The following NCAPD2 variants were observed in gnomAD, a reference collection of about 807,000 sequenced individuals.
The protein encoded by NCAPD2 is non-SMC condensin I complex subunit D2.
In NCAPD2, 100 loss-of-function variants were observed where a neutral mutation model predicts 164.5. That is an observed-to-expected ratio of 0.61 (90% CI 0.52 to 0.72). The LOEUF is 0.72. NCAPD2 is among the 30% of genes least tolerant of loss of function. NCAPD2 has a pLI of 0.00. For missense variants in NCAPD2, 1,560 were observed against 1,749.2 expected (o/e 0.89, Z 1.93); for synonymous variants, 585 against 642.6 (o/e 0.91, Z 1.36).
In NCAPD2 at chr12:6,521,852, T is replaced by G. The variant is rs141590433; in HGVS notation, c.1769T>G (p.Val590Gly). The G allele has an allele frequency of 2.9e-5, 46 of 1,613,998 alleles. No homozygotes were observed. Among genetic ancestry groups the G allele is most frequent in the African/African-American group, 1.3e-5 (1 of 74,902 alleles). ...CCCCGGGAGTCTACAGGAAACATGG[T>G]CACAGGACAGACTGTCTGTAAAAAT... Reference protein sequence around the residue: ...KNPRESTGNMVTGQTVCKNKP... With the variant: ...KNPRESTGNMGTGQTVCKNKP... Residue 590 changes from valine (V) to glycine (G), a missense_variant, in exon 15 of 32, where the codon GTC (valine) becomes GGC (glycine). Val to Gly is a moderately radical substitution (Grantham distance 109, BLOSUM62 -3). Transcript: ENST00000315579.
At position 6,514,807 on chromosome 12, in the gene NCAPD2, C is replaced by T. The variant is rs746741464; in HGVS notation, c.874C>T (p.Arg292Ter). 5.0e-6 allele frequency: 8 copies of T among 1,614,170 alleles called. No individual in the cohort carries two copies. The Admixed American group carries it at 8.3e-5, about 17-fold the overall frequency. ...ACAAAAGTGTCCCCAAGAGCTGAGT[C>T]GAGACCCTTCAGGGACAAAGGGCTT... ...IGQKCPQELS[R>*]DPSGTKGFAA... The change falls in exon 9 of 32, where the codon CGA becomes TGA. Residue 292 changes from arginine (R) to a stop codon, truncating the protein, a stop_gained. Coordinates refer to ENST00000315579, the MANE Select transcript of NCAPD2 (RefSeq NM_014865.4). LOFTEE classifies it high-confidence loss of function.
At chr12:6,506,611 T>C (rs538157992) in intron 2 of NCAPD2, among the ~76,000 whole-genome samples, 27 of 151,100 alleles carry the variant, frequency 1.8e-4, no homozygotes, top group African/African-American at 6.3e-4. Flanking sequence ...AAAAGACATA[T>C]ATATTTTATG....
chr12:6,513,733 T>TTTTTTTTTTTTTTTTGC (rs1946173101), intron 6 of NCAPD2, among the ~76,000 whole-genome samples: 2 of 124,238 alleles, frequency 1.6e-5, no homozygotes, highest in Admixed American at 8.6e-5. Flanking sequence ...TTTTTTTTTT[T>TTTTTTTTTTTTTTTTGC]GTGATGGAGT....
At chr12:6,507,281 CA>C (rs781174124) in intron 2 of NCAPD2, among the ~76,000 whole-genome samples, 5 of 152,214 alleles carry the variant, frequency 3.3e-5, no homozygotes, top group Non-Finnish European at 7.3e-5. Context: ...TCTCATGATA[CA>C]AGACAGTCAG....
chr12:6,531,238 T>C lies in NCAPD2; in HGVS notation c.4121-89T>C, dbSNP rs1005703445. Reference sequence around the variant, plus strand: ...CTTGGATTTTATTTCTTCTGTGCGGTGTGGGATTGTCTCACTTGTTCTCTG... The same window carrying C: ...CTTGGATTTTATTTCTTCTGTGCGGCGTGGGATTGTCTCACTTGTTCTCTG... On this transcript the variant is annotated intron_variant, in intron 31 of 31. Coordinates refer to ENST00000315579, the MANE Select transcript of NCAPD2 (RefSeq NM_014865.4). This position sits in a 1 kb window ranked among gnomAD's most constrained non-coding sequence, Gnocchi z 4.1. 125 of 1,489,902 alleles carry C rather than the reference T, an allele frequency of 8.4e-5. No homozygotes were observed. The highest frequency in any genetic ancestry group is 1.1e-4 in the Non-Finnish European group (120 of 1,080,856). The allele number at this position is 1,489,902 out of a possible 1,614,324, so 92.3% of individuals were successfully genotyped here. A position where few individuals can be genotyped will look rare whatever the true frequency, so the allele number is the denominator to read the frequency against.
chr12:6,520,837 G>A, intron 13 of NCAPD2, 149 bp from the exon 14 acceptor site: 1 of 937,788 alleles, frequency 1.1e-6, no homozygotes, highest in Non-Finnish European at 1.6e-6. Flanking sequence ...CTACCCCTTA[G>A]TAGGTGCTGT....
intron 2 of NCAPD2, among the ~76,000 whole-genome samples, chr12:6,505,127 A>T (rs937371959): frequency 6.6e-6 from 1 of 152,160 alleles, no homozygotes; most frequent in South Asian, 2.1e-4. Context: ...GTGCAGTGGC[A>T]TGATCTCGAC....
At chr12:6,495,300 T>A (rs1945968469) in intron 2 of NCAPD2, 75 bp downstream of exon 2, 2 of 1,547,546 alleles carry the variant, frequency 1.3e-6, no homozygotes, top group Admixed American at 1.8e-5. Context: ...CATTGTCATT[T>A]CTGTTCCACT....
Position 6,518,504 on chromosome 12 carries a change from GTTTTTTTTTTTT to G in NCAPD2, c.1589+564_1589+575del, listed in dbSNP as rs56183938. Reference sequence around the variant, plus strand: ...CAAAAGCCCTTACAGCCGTCAACAAGTTTTTTTTTTTTTTTTTTTTTTTTTTTTTTGAGATGG... The same window carrying G: ...CAAAAGCCCTTACAGCCGTCAACAAGTTTTTTTTTTTTTTTTTTGAGATGG... On this transcript the variant is annotated intron_variant, in intron 13 of 31. Coordinates refer to ENST00000315579, the MANE Select transcript of NCAPD2 (RefSeq NM_014865.4). Among the ~76,000 whole-genome samples, 175 of 44,784 alleles carry G rather than the reference GTTTTTTTTTTTT, an allele frequency of 3.9e-3. 3 individuals are homozygous for G. Among genetic ancestry groups the G allele is most frequent in the African/African-American group, 0.016 (160 of 9,802 alleles). The allele number at this position is 44,784 out of a possible 152,430, so 29.4% of individuals were successfully genotyped here.
chr12:6,513,617 A>AGT (rs1378047506), intron 6 of NCAPD2, among the ~76,000 whole-genome samples: 1 of 151,636 alleles, frequency 6.6e-6, no homozygotes, highest in Non-Finnish European at 1.5e-5. Context: ...GGAGAAAGTG[A>AGT]GTGATTAACT....
intron 13 of NCAPD2, among the ~76,000 whole-genome samples, chr12:6,518,517 T>TTTGTTTTTTTTTTTTTTTG (rs1565544182): frequency 8.8e-6 from 1 of 113,054 alleles, no homozygotes; most frequent in African/African-American, 3.7e-5. Flanking sequence ...TTTTTTTTTT[T>TTTGTTTTTTTTTTTTTTTG]TTTTTTTTTT....
intron 2 of NCAPD2, among the ~76,000 whole-genome samples, chr12:6,498,549 T>G (rs959557942): frequency 6.6e-6 from 1 of 152,186 alleles, no homozygotes; most frequent in Non-Finnish European, 1.5e-5. Context: ...GTTTTTTCCC[T>G]CTACCTGCCT....
rs760037180 is a variant in NCAPD2, at chr12:6,528,905, G to A, written c.3478-40G>A. On this transcript the variant is annotated intron_variant, in intron 26 of 31. Coordinates refer to ENST00000315579, the MANE Select transcript of NCAPD2 (RefSeq NM_014865.4). The surrounding 1 kb of genome is among the most constrained non-coding windows in gnomAD (Gnocchi z 5.1). ...GGCTGGCTGCAGAGGGAATCTGTAG[G>A]TCACCTCATCTCCTTAACATGGCTC... is the stretch of plus-strand genomic sequence containing the variant. 1.2e-6 allele frequency: 2 copies of A among 1,613,572 alleles called. No individual in the cohort carries two copies. The highest frequency in any genetic ancestry group is 4.5e-5 in the East Asian group (2 of 44,884).
chr12:6,498,615 CT>C (rs34041906), intron 2 of NCAPD2, among the ~76,000 whole-genome samples: 8 of 148,184 alleles, frequency 5.4e-5, no homozygotes, highest in East Asian at 2.0e-4. Flanking sequence ...AACAACAATT[CT>C]TTTTTTTTTT....
intron 2 of NCAPD2, among the ~76,000 whole-genome samples, chr12:6,506,066 C>T (rs1287518742): frequency 6.6e-6 from 1 of 151,806 alleles, no homozygotes; most frequent in Non-Finnish European, 1.5e-5. Flanking sequence ...TCAAGCAATC[C>T]TCCCGCCTCA....
rs1161227706 is a variant in NCAPD2 at position 6,518,513 on chromosome 12, T to TTTTTTTTTG, written c.1589+562_1589+563insGTTTTTTTT. Among the ~76,000 whole-genome samples, 23 of 105,294 alleles carry TTTTTTTTTG rather than the reference T, an allele frequency of 2.2e-4. 2 individuals are homozygous for TTTTTTTTTG. Among genetic ancestry groups the TTTTTTTTTG allele is most frequent in the African/African-American group, 7.2e-4 (18 of 24,902 alleles). The allele number at this position is 105,294 out of a possible 152,430, so 69.1% of individuals were successfully genotyped here. A position where few individuals can be genotyped will look rare whatever the true frequency, so the allele number is the denominator to read the frequency against. On this transcript the variant is annotated intron_variant, in intron 13 of 31. Coordinates refer to ENST00000315579, the MANE Select transcript of NCAPD2 (RefSeq NM_014865.4). Reference sequence around the variant, plus strand: ...TTACAGCCGTCAACAAGTTTTTTTTTTTTTTTTTTTTTTTTTTTTTTGAGA... The same window carrying TTTTTTTTTG: ...TTACAGCCGTCAACAAGTTTTTTTTTTTTTTTTTGTTTTTTTTTTTTTTTTTTTTTGAGA...
At chr12:6,513,041 AG>A (rs1179259363) in intron 6 of NCAPD2, among the ~76,000 whole-genome samples, 1 of 152,060 alleles carries the variant, frequency 6.6e-6, no homozygotes, top group Non-Finnish European at 1.5e-5. Context: ...GGACATACAA[AG>A]TTTGAGGTGT....
chr12:6,530,100 A>T, intron 29 of NCAPD2, 142 bp downstream of exon 29: 1 of 784,916 alleles, frequency 1.3e-6, no homozygotes, highest in South Asian at 2.1e-5. Flanking sequence ...TGCCAGAGTG[A>T]CCTAAGACCA....
chr12:6,520,611 G>T (rs921418019), intron 13 of NCAPD2, among the ~76,000 whole-genome samples: 2 of 152,144 alleles, frequency 1.3e-5, no homozygotes. Context: ...TTATTGTCTG[G>T]ATGTGCCTGA....
Sources: gnomAD v4.1 joint callset for allele counts (sites outside exome capture counted in the v4.1 genomes callset) on GRCh38, gnomAD v4.1.1 for gene constraint, Gnocchi (gnomAD v3.1) non-coding constraint, MANE v1.5 for transcripts, NCBI Gene and HGNC (gene_info 2026-07-23, HGNC 2026-07-21) for gene names.